TRABD2B: variants seen among roughly 807,000 people sequenced by gnomAD.
TRABD2B encodes the protein metalloprotease TIKI2.
In TRABD2B, 14 loss-of-function variants were observed where a neutral mutation model predicts 40.1. The observed-to-expected ratio is 0.35, with a 90% confidence interval of 0.23 to 0.55. The LOEUF is 0.55. Among genes scored for constraint, TRABD2B ranks in the 20% least tolerant of loss-of-function variants. The probability of loss-of-function intolerance (pLI) is 0.90; values close to 1 mark genes in which losing one functional copy is unlikely to be tolerated. For missense variants in TRABD2B, 541 were observed against 648.6 expected (o/e 0.83, Z 1.80); for synonymous variants, 263 against 277.0 (o/e 0.95, Z 0.50).
intron 2 of TRABD2B, among the ~76,000 whole-genome samples, chr1:47,820,472 T>C (rs1002635807): frequency 6.6e-6 from 1 of 152,190 alleles, no homozygotes; most frequent in South Asian, 2.1e-4. Context: ...CCGTGGGATA[T>C]GCCTGGGCCT....
chr1:47,792,172 T>A (rs553176993), intron 4 of TRABD2B, among the ~76,000 whole-genome samples: 20 of 152,146 alleles, frequency 1.3e-4, no homozygotes, highest in Admixed American at 2.6e-4. Context: ...AGAGCGGAGG[T>A]GAGTCTCCCT....
At chr1:47,766,575 G>T (rs1644306203) in intron 6 of TRABD2B, among the ~76,000 whole-genome samples, 1 of 152,192 alleles carries the variant, frequency 6.6e-6, no homozygotes, top group Non-Finnish European at 1.5e-5. Flanking sequence ...ACTACCGCTT[G>T]TTGAGCATCC....
intron 2 of TRABD2B, among the ~76,000 whole-genome samples, chr1:47,895,261 C>A (rs1172621922): frequency 6.6e-6 from 1 of 152,148 alleles, no homozygotes; most frequent in East Asian, 1.9e-4. Context: ...CCCCACCCCC[C>A]AGCCAGGAAG....
At chr1:47,805,249 C>A (rs927237845) in intron 2 of TRABD2B, among the ~76,000 whole-genome samples, 2 of 150,892 alleles carry the variant, frequency 1.3e-5, no homozygotes, top group African/African-American at 5.0e-5. Context: ...CACACACTGC[C>A]ACACCCATTT....
At chr1:47,909,320 G>A (rs1644718710) in intron 2 of TRABD2B, among the ~76,000 whole-genome samples, 1 of 151,248 alleles carries the variant, frequency 6.6e-6, no homozygotes, top group Non-Finnish European at 1.5e-5. Flanking sequence ...TCTACTTCTG[G>A]TGAGGGCCGC....
chr1:47,991,815 C>T (rs1206520099), intron 2 of TRABD2B, among the ~76,000 whole-genome samples: 2 of 152,114 alleles, frequency 1.3e-5, no homozygotes, highest in African/African-American at 2.4e-5. Context: ...TATTTCAGTG[C>T]ACTAATGCAT....
chr1:47,936,451 G>A (rs1430267463), intron 2 of TRABD2B, among the ~76,000 whole-genome samples: 1 of 152,196 alleles, frequency 6.6e-6, no homozygotes, highest in South Asian at 2.1e-4. Flanking sequence ...GACAGACCAT[G>A]AGGAGGTCTA....
intron 2 of TRABD2B, among the ~76,000 whole-genome samples, chr1:47,962,182 G>A (rs1461953959): frequency 6.7e-6 from 1 of 149,522 alleles, no homozygotes; most frequent in Non-Finnish European, 1.5e-5. Context: ...TTGGACACGG[G>A]AAGGGGAACA....
chr1:47,836,577 T>C (rs1645321158), intron 2 of TRABD2B, among the ~76,000 whole-genome samples: 1 of 152,250 alleles, frequency 6.6e-6, no homozygotes, highest in Admixed American at 6.5e-5. Context: ...ATCCAAGAAA[T>C]GTTGGCGATT....
At chr1:47,852,039 G>A (rs1289197590) in intron 2 of TRABD2B, among the ~76,000 whole-genome samples, 1 of 152,220 alleles carries the variant, frequency 6.6e-6, no homozygotes, top group Non-Finnish European at 1.5e-5. Flanking sequence ...AGCAAGGGAG[G>A]CTAGCAAGAG....
chr1:47,950,083 AG>A, intron 2 of TRABD2B, among the ~76,000 whole-genome samples: 1 of 152,136 alleles, frequency 6.6e-6, no homozygotes, highest in Non-Finnish European at 1.5e-5. Context: ...CAGGAGATCG[AG>A]ACCATCCTGG....
intron 2 of TRABD2B, among the ~76,000 whole-genome samples, chr1:47,965,211 T>A (rs1220760235): frequency 5.1e-4 from 5 of 9,890 alleles, no homozygotes; most frequent in African/African-American, 1.5e-3. Flanking sequence ...CGGGGGGGGG[T>A]GGAGGGGGGG....
chr1:47,805,454 A>C (rs548366837), intron 2 of TRABD2B, among the ~76,000 whole-genome samples: 1 of 151,550 alleles, frequency 6.6e-6, no homozygotes, highest in African/African-American at 2.4e-5. Context: ...GATTCTCCCT[A>C]CCTCGGTGGG....
intron 2 of TRABD2B, among the ~76,000 whole-genome samples, chr1:47,983,209 C>T (rs536404832): frequency 2.6e-5 from 4 of 152,216 alleles, no homozygotes; most frequent in African/African-American, 7.2e-5. Flanking sequence ...AAGCTATTAC[C>T]CTCAGCAAAC....
chr1:47,820,740 G>A (rs1341591603), intron 2 of TRABD2B, among the ~76,000 whole-genome samples: 1 of 150,100 alleles, frequency 6.7e-6, no homozygotes, highest in Non-Finnish European at 1.5e-5. Flanking sequence ...CAACGTTAAG[G>A]CAACAGATAC....
At chr1:47,832,314 C>T (rs1557600644) in intron 2 of TRABD2B, among the ~76,000 whole-genome samples, 1 of 151,706 alleles carries the variant, frequency 6.6e-6, no homozygotes, top group Non-Finnish European at 1.5e-5. Flanking sequence ...GCCTGGGCAA[C>T]AAGCAAGACT....
intron 2 of TRABD2B, among the ~76,000 whole-genome samples, chr1:47,976,238 T>C (rs568181036): frequency 6.6e-6 from 1 of 152,264 alleles, no homozygotes; most frequent in South Asian, 2.1e-4. Context: ...AATCAGTGAA[T>C]TATAATCTAA....
At chr1:47,933,587 T>G (rs1321961570) in intron 2 of TRABD2B, among the ~76,000 whole-genome samples, 2 of 152,220 alleles carry the variant, frequency 1.3e-5, no homozygotes, top group Non-Finnish European at 2.9e-5. Context: ...TGTATATAAA[T>G]AGCAGCTGAG....
At chr1:47,854,996 C>G (rs1399098388) in intron 2 of TRABD2B, among the ~76,000 whole-genome samples, 1 of 152,106 alleles carries the variant, frequency 6.6e-6, no homozygotes, top group African/African-American at 2.4e-5. Flanking sequence ...GGGTAATAGG[C>G]CTTCTTGGGA....
Sources: gnomAD v4.1 joint callset for allele counts (sites outside exome capture counted in the v4.1 genomes callset) on GRCh38, gnomAD v4.1.1 for gene constraint, MANE v1.5 for transcripts, NCBI Gene and HGNC (gene_info 2026-07-23, HGNC 2026-07-21) for gene names.